Variants in FGR observed in about 807,000 individuals in gnomAD.
The protein encoded by FGR is FGR proto-oncogene, Src family tyrosine kinase.
Under a neutral mutation model 63.2 loss-of-function variants are expected in FGR, and 26 were observed. That is an observed-to-expected ratio of 0.41 (90% CI 0.30 to 0.57). The LOEUF is 0.57. Ranked by LOEUF, FGR falls within the 20% of genes least tolerant of loss-of-function variation. The probability of loss-of-function intolerance (pLI) is 0.27; values close to 1 mark genes in which losing one functional copy is unlikely to be tolerated. For synonymous variants in FGR, 286 were observed against 277.7 expected (o/e 1.03, Z -0.30); for missense variants, 511 against 690.8 (o/e 0.74, Z 2.92).
At chr1:27,622,275 C>A (rs1344275779) in intron 4 of FGR, among the ~76,000 whole-genome samples, 1 of 131,676 alleles carries the variant, frequency 7.6e-6, no homozygotes, top group African/African-American at 3.0e-5. Context: ...GGAGACAGAG[C>A]GAGACTCCAA....
chr1:27,615,422 C>A lies in FGR; in HGVS notation c.1018+12G>T. ...ACCCCGAATCCCGCCCGACCAGGCT[C>A]CGCCTCCTGACCGTGACACATGAAC... On this transcript the variant is annotated intron_variant, in intron 9 of 12. Transcript: ENST00000374005. This position sits in a 1 kb window ranked among gnomAD's most constrained non-coding sequence, Gnocchi z 7.6. 6.3e-7 allele frequency: 1 copy of A among 1,592,568 alleles called. No homozygotes were observed. The highest frequency in any genetic ancestry group is 8.6e-7 in the Non-Finnish European group (1 of 1,162,446).
chr1:27,626,983 A>G (rs953436972), intron 1 of FGR, among the ~76,000 whole-genome samples: 2 of 151,682 alleles, frequency 1.3e-5, no homozygotes, highest in Middle Eastern at 3.2e-3. Flanking sequence ...CCTGAGCAAC[A>G]TAGGGACACC....
At chr1:27,632,518 C>G (rs2090120296) in intron 1 of FGR, among the ~76,000 whole-genome samples, 2 of 152,154 alleles carry the variant, frequency 1.3e-5, no homozygotes, top group African/African-American at 4.8e-5. Flanking sequence ...CCCACCCAAC[C>G]CTGTCTGACT....
chr1:27,613,228 G>A lies in FGR; in HGVS notation c.1372C>T (p.Pro458Ser). 6.2e-7 allele frequency: 1 copy of A among 1,613,902 alleles called. No homozygotes were observed. The highest frequency in any genetic ancestry group is 8.5e-7 in the Non-Finnish European group (1 of 1,179,784). The change falls in exon 12 of 13, where the codon CCC becomes TCC. Residue 458 changes from proline (P) to serine (S), a missense_variant. Transcript: ENST00000374005. ...CCCTGGCGAGGCAAACCTGGGTAGG[G>A]GATTCGGCCCTTGGTGATGAGCTCA... is the stretch of plus-strand genomic sequence containing the variant. ...LTELITKGRI[P>S]YPGMNKREVL...
chr1:27,622,196 C>T (rs1360817962), intron 4 of FGR, among the ~76,000 whole-genome samples: 2 of 151,116 alleles, frequency 1.3e-5, no homozygotes, highest in African/African-American at 2.4e-5. Context: ...GCCTGTAGTC[C>T]CAGGATCACT....
In FGR at chr1:27,615,310, G is replaced by A; in HGVS notation, c.1018+124C>T. On this transcript the variant is annotated intron_variant, in intron 9 of 12. Coordinates refer to ENST00000374005, the MANE Select transcript of FGR (RefSeq NM_005248.3). The surrounding 1 kb of genome is among the most constrained non-coding windows in gnomAD (Gnocchi z 7.6). The stretch of plus-strand genomic sequence containing the variant: ...GCCCTCCAGTCGTTTTACACACCTG[G>A]TCCCTTAGTGGGACTCTGCCCATTG... The A allele has an allele frequency of 8.7e-7, 1 of 1,148,944 alleles. No individual in the cohort carries two copies. Among genetic ancestry groups the A allele is most frequent in the South Asian group, 1.4e-5 (1 of 71,592 alleles). 71.2% of individuals were successfully genotyped at this position (1,148,944 alleles called of 1,614,324 possible).
At position 27,615,565 on chromosome 1, in the gene FGR, C is replaced by T; in HGVS notation, c.887G>A (p.Gly296Asp). 6.2e-7 allele frequency: 1 copy of T among 1,613,708 alleles called. No individual in the cohort carries two copies. The highest frequency in any genetic ancestry group is 8.5e-7 in the Non-Finnish European group (1 of 1,179,632). Reference sequence around the variant, plus strand: ...CAGGAAGGCCTTCGGGGACATGGTGCCCGGCTTCAGCGTCTTCACCGCCAC... The same window carrying T: ...CAGGAAGGCCTTCGGGGACATGGTGTCCGGCTTCAGCGTCTTCACCGCCAC... ...TKVAVKTLKP[G>D]TMSPKAFLEE... The change falls in exon 9 of 13, where the codon GGC (glycine) becomes GAC (aspartate). Residue 296 changes from glycine (G) to aspartate (D), a missense_variant. Physicochemically the swap from Gly to Asp is moderately conservative, Grantham distance 94 (BLOSUM62 -1). Transcript: ENST00000374005. The surrounding 1 kb of genome is among the most constrained non-coding windows in gnomAD (Gnocchi z 7.6).
At chr1:27,621,485 T>C in intron 5 of FGR, 74 bp downstream of exon 5, 1 of 1,042,324 alleles carries the variant, frequency 9.6e-7, no homozygotes, top group Non-Finnish European at 1.5e-6. Flanking sequence ...CAATGACTTG[T>C]CCAAGAGGTG....
rs1290542869 is a variant in FGR at position 27,615,288 on chromosome 1, C to A, written c.1018+146G>T. Reference sequence around the variant, plus strand: ...ACTCGGCCCGGCTCCCACCTCAGCCCTCCAGTCGTTTTACACACCTGGTCC... The same window carrying A: ...ACTCGGCCCGGCTCCCACCTCAGCCATCCAGTCGTTTTACACACCTGGTCC... On this transcript the variant is annotated intron_variant, in intron 9 of 12. Coordinates refer to ENST00000374005, the MANE Select transcript of FGR (RefSeq NM_005248.3). The surrounding 1 kb of genome is among the most constrained non-coding windows in gnomAD (Gnocchi z 7.6). The A allele has an allele frequency of 2.1e-6, 2 of 968,272 alleles. No homozygotes were observed. Among genetic ancestry groups the A allele is most frequent in the Admixed American group, 4.5e-5 (2 of 44,038 alleles). The allele number at this position is 968,272 out of a possible 1,614,324, so 60.0% of individuals were successfully genotyped here.
intron 1 of FGR, chr1:27,625,910 G>A: frequency 2.6e-6 from 1 of 381,752 alleles, no homozygotes; most frequent in East Asian, 3.7e-5. Context: ...CTGCACTCCA[G>A]CCCGGGTGAC....
chr1:27,614,487 T>G lies in FGR; in HGVS notation c.1192A>C (p.Ile398Leu). Reference sequence around the variant, plus strand: ...AGACGCGCCAAGCCAAAGTCTGCGATCTTGCACGCCAGCCGCTCCCCAACC... The same window carrying G: ...AGACGCGCCAAGCCAAAGTCTGCGAGCTTGCACGCCAGCCGCTCCCCAACC... ...ILVGERLACK[I>L]ADFGLARLIK... Residue 398 changes from isoleucine (I) to leucine (L), a missense_variant, in exon 11 of 13, where the codon ATC (isoleucine) becomes CTC (leucine). Transcript: ENST00000374005. 1.2e-6 allele frequency: 2 copies of G among 1,613,844 alleles called. No homozygotes were observed. The highest frequency in any genetic ancestry group is 1.7e-6 in the Non-Finnish European group (2 of 1,179,916).
At position 27,615,912 on chromosome 1, in the gene FGR, C is replaced by T. The variant is rs1007561886; in HGVS notation, c.683-68G>A. 6.9e-7 allele frequency: 1 copy of T among 1,456,066 alleles called. No homozygotes were observed. The highest frequency in any genetic ancestry group is 1.4e-5 in the African/African-American group (1 of 70,596). The allele number at this position is 1,456,066 out of a possible 1,614,324, so 90.2% of individuals were successfully genotyped here. A position where few individuals can be genotyped will look rare whatever the true frequency, so the allele number is the denominator to read the frequency against. On this transcript the variant is annotated intron_variant, in intron 7 of 12. Coordinates refer to ENST00000374005, the MANE Select transcript of FGR (RefSeq NM_005248.3). The surrounding 1 kb of genome is among the most constrained non-coding windows in gnomAD (Gnocchi z 7.6). ...CACCCCCCTCCACTCCTTATCCTATCCCAGCCTGGTGCCAGACCCTAAGAT... is the reference window on the plus strand; with the variant it reads ...CACCCCCCTCCACTCCTTATCCTATTCCAGCCTGGTGCCAGACCCTAAGAT...
intron 5 of FGR, among the ~76,000 whole-genome samples, chr1:27,618,501 A>G (rs1322661359): frequency 6.6e-6 from 1 of 152,068 alleles, no homozygotes; most frequent in Non-Finnish European, 1.5e-5. Flanking sequence ...ACCCGTAACC[A>G]CAACACTGCA....
intron 3 of FGR, 192 bp downstream of exon 3, chr1:27,623,499 T>A: frequency 1.5e-6 from 1 of 672,698 alleles, no homozygotes; most frequent in Non-Finnish European, 2.7e-6. Context: ...TAGAGCTTCT[T>A]GACCCTCCCC....
intron 4 of FGR, among the ~76,000 whole-genome samples, 169 bp from the exon 5 acceptor site, chr1:27,621,826 C>T (rs1302468126): frequency 1.3e-5 from 2 of 152,166 alleles, no homozygotes; most frequent in African/African-American, 4.8e-5. Flanking sequence ...TGCAGCTTCC[C>T]TGGGAGGGCT....
chr1:27,634,726 T>C (rs1340117363), intron 1 of FGR, among the ~76,000 whole-genome samples: 1 of 151,346 alleles, frequency 6.6e-6, no homozygotes, highest in Non-Finnish European at 1.5e-5. Context: ...GTCCTGGGGA[T>C]TCCCCTTAAT....
In FGR at chr1:27,615,799, A is replaced by G; in HGVS notation, c.728T>C (p.Ile243Thr). The change falls in exon 8 of 13, where the codon ATC (isoleucine) becomes ACC (threonine). Residue 243 changes from isoleucine (I) to threonine (T), a missense_variant. Physicochemically the swap from Ile to Thr is moderately conservative, Grantham distance 89 (BLOSUM62 -1). Coordinates refer to ENST00000374005, the MANE Select transcript of FGR (RefSeq NM_005248.3). This position sits in a 1 kb window ranked among gnomAD's most constrained non-coding sequence, Gnocchi z 7.6. Reference sequence around the variant, plus strand: ...CAGGCCCAGCGTCTGCGGCTTCATGATGGTGCAGGGCGCGATGAGCAGGTT... The same window carrying G: ...CAGGCCCAGCGTCTGCGGCTTCATGGTGGTGCAGGGCGCGATGAGCAGGTT... ...LCNLLIAPCT[I>T]MKPQTLGLAK... 2.5e-6 allele frequency: 4 copies of G among 1,600,746 alleles called. No homozygotes were observed. Among genetic ancestry groups the G allele is most frequent in the Non-Finnish European group, 3.4e-6 (4 of 1,173,790 alleles).
chr1:27,616,946 T>A lies in FGR; in HGVS notation c.593A>T (p.Tyr198Phe). 6.2e-7 allele frequency: 1 copy of A among 1,614,210 alleles called. No homozygotes were observed. The highest frequency in any genetic ancestry group is 2.2e-5 in the East Asian group (1 of 44,894). The change falls in exon 7 of 13, where the codon TAC (tyrosine) becomes TTC (phenylalanine). Residue 198 changes from tyrosine (Y) to phenylalanine (F), a missense_variant. Transcript: ENST00000374005. This position sits in a 1 kb window ranked among gnomAD's most constrained non-coding sequence, Gnocchi z 4.3. ...DQTRGDHVKH[Y>F]KIRKLDMGGY... The stretch of plus-strand genomic sequence containing the variant: ...GCCCATGTCCAGTTTGCGGATCTTG[T>A]AATGCTTCACATGATCGCCTCTGGT...
At chr1:27,629,633 C>T (rs766597412) in intron 1 of FGR, among the ~76,000 whole-genome samples, 2 of 152,172 alleles carry the variant, frequency 1.3e-5, no homozygotes, top group Non-Finnish European at 2.9e-5. Context: ...TCTCTATGTG[C>T]CACCAATTCT....
Sources: gnomAD v4.1 joint callset for allele counts (sites outside exome capture counted in the v4.1 genomes callset) on GRCh38, gnomAD v4.1.1 for gene constraint, Gnocchi (gnomAD v3.1) non-coding constraint, MANE v1.5 for transcripts, NCBI Gene and HGNC (gene_info 2026-07-23, HGNC 2026-07-21) for gene names.